CADM2: variants seen among roughly 807,000 people sequenced by gnomAD.
CADM2 encodes cell adhesion molecule 2, also known as immunoglobulin superfamily member 4D.
Under a neutral mutation model 49.8 loss-of-function variants are expected in CADM2, and 12 were observed. That is an observed-to-expected ratio of 0.24 (90% CI 0.15 to 0.39). CADM2 has a LOEUF of 0.39. Ranked by LOEUF, CADM2 falls within the 10% of genes least tolerant of loss-of-function variation. CADM2 has a pLI of 1.00. For missense variants in CADM2, 378 were observed against 492.3 expected, an observed-to-expected ratio of 0.77 and a Z score of 2.20; for synonymous variants, 214 against 175.4, an observed-to-expected ratio of 1.22 and a Z score of -1.74.
intron 5 of CADM2, among the ~76,000 whole-genome samples, chr3:85,911,648 A>G (rs576440798): frequency 5.9e-5 from 9 of 152,290 alleles, no homozygotes; most frequent in African/African-American, 1.4e-4. Context: ...TTTCAAATGC[A>G]TTGTGCTTTC....
intron 1 of CADM2, among the ~76,000 whole-genome samples, chr3:85,209,464 A>G (rs1270457914): frequency 6.6e-6 from 1 of 152,126 alleles, no homozygotes; most frequent in African/African-American, 2.4e-5. Context: ...AGCCTTTTCC[A>G]TTTATGTACT....
At chr3:85,161,228 G>A (rs924863249) in intron 1 of CADM2, among the ~76,000 whole-genome samples, 3 of 152,136 alleles carry the variant, frequency 2.0e-5, no homozygotes, top group African/African-American at 7.2e-5. Flanking sequence ...CTTTAGAGCT[G>A]TGGAAAAAAA....
At chr3:85,778,410 G>A (rs182591982) in intron 2 of CADM2, among the ~76,000 whole-genome samples, 51 of 152,144 alleles carry the variant, frequency 3.4e-4, no homozygotes, top group African/African-American at 1.2e-3. Flanking sequence ...CATAATCCCC[G>A]CATGTCAGGG....
chr3:85,998,857 G>A (rs1057271426), intron 8 of CADM2, among the ~76,000 whole-genome samples: 4 of 152,096 alleles, frequency 2.6e-5, no homozygotes, highest in African/African-American at 9.7e-5. Context: ...ATTGTTCCAA[G>A]ATATTATTTG....
intron 3 of CADM2, among the ~76,000 whole-genome samples, chr3:85,861,806 T>A (rs1210029818): frequency 6.6e-6 from 1 of 152,078 alleles, no homozygotes; most frequent in Admixed American, 6.6e-5. Context: ...TAGAATATTT[T>A]GCATTTTTTA....
intron 8 of CADM2, among the ~76,000 whole-genome samples, chr3:85,984,520 A>T (rs1446162533): frequency 6.6e-6 from 1 of 151,958 alleles, no homozygotes; most frequent in South Asian, 2.1e-4. Flanking sequence ...ATTTTTAAAT[A>T]AGAATTTATA....
intron 1 of CADM2, among the ~76,000 whole-genome samples, chr3:85,212,809 CTTCTCTTTCTTTCT>C (rs2041809479): frequency 2.0e-5 from 2 of 99,278 alleles, no homozygotes; most frequent in African/African-American, 2.9e-5. Context: ...TCTTCTTTTT[CTTCTCTTTCTTTCT>C]TTCTTTCTTT....
chr3:85,231,707 CTT>C (rs754139147), intron 1 of CADM2, among the ~76,000 whole-genome samples: 54 of 130,640 alleles, frequency 4.1e-4, no homozygotes, highest in African/African-American at 6.4e-4. Flanking sequence ...AGTTTCCTTT[CTT>C]TTTTTTTTTT....
At chr3:85,027,109 C>CTTTTCTTTTTT (rs1317386284) in intron 1 of CADM2, among the ~76,000 whole-genome samples, 21 of 55,690 alleles carry the variant, frequency 3.8e-4, no homozygotes, top group African/African-American at 2.0e-3. Flanking sequence ...TTTCTTTTTC[C>CTTTTCTTTTTT]TTTTTTTTTT....
At chr3:85,120,051 G>T (rs148692823) in intron 1 of CADM2, among the ~76,000 whole-genome samples, 32 of 152,278 alleles carry the variant, frequency 2.1e-4, no homozygotes, top group Middle Eastern at 3.4e-3. Context: ...TTTCTCAAAA[G>T]AAGATGTATA....
At chr3:85,066,283 G>A (rs1420320042) in intron 1 of CADM2, among the ~76,000 whole-genome samples, 1 of 151,682 alleles carries the variant, frequency 6.6e-6, no homozygotes, top group East Asian at 1.9e-4. Context: ...ATTGCTGATG[G>A]GTTGTAGCAG....
intron 8 of CADM2, among the ~76,000 whole-genome samples, chr3:85,999,896 A>C (rs1729954245): frequency 6.6e-6 from 1 of 152,158 alleles, no homozygotes; most frequent in Non-Finnish European, 1.5e-5. Context: ...ATAGAGGACA[A>C]CGTAAATTCA....
intron 1 of CADM2, among the ~76,000 whole-genome samples, chr3:85,643,437 T>C (rs1411890995): frequency 6.6e-6 from 1 of 152,204 alleles, no homozygotes; most frequent in Non-Finnish European, 1.5e-5. Context: ...TTTGAAAATA[T>C]GAGCGAAAGA....
chr3:85,505,650 C>T (rs1161899069), intron 1 of CADM2, among the ~76,000 whole-genome samples: 2 of 152,126 alleles, frequency 1.3e-5, no homozygotes, highest in African/African-American at 2.4e-5. Flanking sequence ...ATAAAGTAGC[C>T]ATCATATGTT....
chr3:85,393,674 T>C (rs2107406600), intron 1 of CADM2, among the ~76,000 whole-genome samples: 1 of 152,288 alleles, frequency 6.6e-6, no homozygotes, highest in East Asian at 1.9e-4. Flanking sequence ...TTTAAAGTGC[T>C]TCTTTTAATG....
chr3:85,074,322 C>T (rs2036863560), intron 1 of CADM2, among the ~76,000 whole-genome samples: 2 of 152,136 alleles, frequency 1.3e-5, no homozygotes, highest in South Asian at 2.1e-4. Flanking sequence ...CTCAACTTCT[C>T]AGTGGTGCTT....
chr3:85,560,404 T>C (rs2062063747), intron 1 of CADM2, among the ~76,000 whole-genome samples: 3 of 152,310 alleles, frequency 2.0e-5, no homozygotes, highest in African/African-American at 7.2e-5. Context: ...GATGTTGCTT[T>C]TAAAACATAG....
intron 1 of CADM2, among the ~76,000 whole-genome samples, chr3:84,984,253 T>G (rs896606214): frequency 2.0e-5 from 3 of 149,850 alleles, no homozygotes; most frequent in Admixed American, 6.8e-5. Context: ...GTCCAAAGAC[T>G]GAACTCATTA....
chr3:85,190,565 A>G (rs1442493616), intron 1 of CADM2, among the ~76,000 whole-genome samples: 2 of 152,156 alleles, frequency 1.3e-5, no homozygotes, highest in African/African-American at 2.4e-5. Flanking sequence ...CTATGACATT[A>G]TATTATTCCC....
Sources: allele counts gnomAD v4.1 joint callset (sites outside exome capture counted in the v4.1 genomes callset), GRCh38; gene constraint gnomAD v4.1.1; transcripts MANE v1.5; gene names NCBI Gene and HGNC (gene_info 2026-07-23, HGNC 2026-07-21).